The following PTPRT variants were observed in gnomAD, a reference collection of about 807,000 sequenced individuals.
The protein encoded by PTPRT is receptor-type tyrosine-protein phosphatase T.
In PTPRT, 56 loss-of-function variants were observed where a neutral mutation model predicts 176.8. The ratio of observed to expected loss-of-function variants is 0.32; its 90% CI spans 0.26 to 0.40. PTPRT has a LOEUF of 0.40. Among genes scored for constraint, PTPRT ranks in the 10% least tolerant of loss-of-function variants. The pLI, the probability that PTPRT is intolerant of heterozygous loss-of-function variation, is 1.00. For missense variants in PTPRT, 1,540 were observed against 1,908.2 expected, an observed-to-expected ratio of 0.81 and a Z score of 3.60; for synonymous variants, 783 against 739.0, an observed-to-expected ratio of 1.06 and a Z score of -0.96.
At chr20:42,131,711 C>T (rs1336128796) in intron 18 of PTPRT, among the ~76,000 whole-genome samples, 2 of 152,156 alleles carry the variant, frequency 1.3e-5, no homozygotes, top group African/African-American at 2.4e-5. Context: ...AAATGTGATA[C>T]TCATGTTTAA....
At chr20:42,871,200 C>T (rs1328453678) in intron 2 of PTPRT, among the ~76,000 whole-genome samples, 1 of 151,892 alleles carries the variant, frequency 6.6e-6, no homozygotes, top group Non-Finnish European at 1.5e-5. Context: ...GATCTGCCCA[C>T]CTCGGCCTCC....
intron 23 of PTPRT, among the ~76,000 whole-genome samples, chr20:42,109,305 A>ATATT (rs1986808583): frequency 6.6e-6 from 1 of 152,192 alleles, no homozygotes; most frequent in African/African-American, 2.4e-5. Flanking sequence ...CCCCAAGGTC[A>ATATT]TATTGGAAGA....
At chr20:43,125,060 A>G (rs1301180085) in intron 1 of PTPRT, among the ~76,000 whole-genome samples, 1 of 152,042 alleles carries the variant, frequency 6.6e-6, no homozygotes, top group Non-Finnish European at 1.5e-5. Context: ...CAATGGCACA[A>G]TCTCAGCTCA....
the PTPRT span, among the ~76,000 whole-genome samples, chr20:42,064,557 A>G: frequency 2.0e-4 from 31 of 152,190 alleles, no homozygotes; most frequent in Non-Finnish European, 4.0e-4. Flanking sequence ...ATACTATACT[A>G]ATGAATGAAT....
intron 7 of PTPRT, among the ~76,000 whole-genome samples, chr20:42,651,853 C>A (rs1241603243): frequency 6.6e-6 from 1 of 152,000 alleles, no homozygotes; most frequent in Non-Finnish European, 1.5e-5. Flanking sequence ...TCAAGATCAG[C>A]CTGGCCAAAA....
chr20:42,899,990 A>G (rs1421870608), intron 1 of PTPRT, among the ~76,000 whole-genome samples: 1 of 152,226 alleles, frequency 6.6e-6, no homozygotes, highest in East Asian at 1.9e-4. Context: ...TCAATCCTCA[A>G]AAGAGCCCCA....
At chr20:42,243,197 G>C (rs78189211) in intron 14 of PTPRT, among the ~76,000 whole-genome samples, 2,155 of 152,242 alleles carry the variant, frequency 0.014, 59 homozygotes, top group African/African-American at 0.05. Flanking sequence ...AGGAGGTAGT[G>C]CCTGTGAATG....
chr20:42,424,683 C>T lies in PTPRT; in HGVS notation c.1560+23537G>A, dbSNP rs558605428. On this transcript the variant is annotated intron_variant, in intron 9 of 30. Transcript: ENST00000373187. ...CACACCAAGTGCAGTGAAATTACAGCAAATTGCAGTGCTCCTGGGCACTGT... is the reference window on the plus strand; with the variant it reads ...CACACCAAGTGCAGTGAAATTACAGTAAATTGCAGTGCTCCTGGGCACTGT... Among the ~76,000 whole-genome samples, 3 of 152,144 alleles carry T rather than the reference C, an allele frequency of 2.0e-5. No homozygotes were observed. In the South Asian group the frequency reaches 6.2e-4, roughly 32 times the overall value.
intron 1 of PTPRT, among the ~76,000 whole-genome samples, chr20:42,948,429 C>T (rs190010450): frequency 5.6e-4 from 86 of 152,324 alleles, no homozygotes; most frequent in African/African-American, 2.1e-3. Flanking sequence ...GCCTCACCTG[C>T]CCCTGGCCTG....
intron 7 of PTPRT, among the ~76,000 whole-genome samples, chr20:42,604,595 G>A (rs1036163285): frequency 2.0e-5 from 3 of 152,098 alleles, no homozygotes; most frequent in African/African-American, 4.8e-5. Flanking sequence ...ATGCTAGGAA[G>A]AGGTTCTCTC....
intron 1 of PTPRT, among the ~76,000 whole-genome samples, chr20:43,135,475 T>TGATGAGACCATC (rs2013801642): frequency 6.6e-6 from 1 of 152,188 alleles, no homozygotes; most frequent in South Asian, 2.1e-4. Flanking sequence ...TGAGTCAAAA[T>TGATGAGACCATC]ATTCACATTG....
chr20:42,562,398 T>A (rs1326975097), intron 7 of PTPRT, among the ~76,000 whole-genome samples: 1 of 152,184 alleles, frequency 6.6e-6, no homozygotes, highest in Non-Finnish European at 1.5e-5. Context: ...AACATATAAG[T>A]TTTGAGGTTA....
intron 14 of PTPRT, among the ~76,000 whole-genome samples, chr20:42,248,095 T>G (rs2146911618): frequency 6.6e-6 from 1 of 152,184 alleles, no homozygotes; most frequent in East Asian, 1.9e-4. Flanking sequence ...CAGGGAGACA[T>G]GCTTTTGAGA....
intron 7 of PTPRT, among the ~76,000 whole-genome samples, chr20:42,574,787 T>G (rs2073226286): frequency 6.6e-6 from 1 of 152,118 alleles, no homozygotes; most frequent in East Asian, 1.9e-4. Flanking sequence ...TGTTGGAAGG[T>G]GATTGCATAA....
At chr20:42,846,431 C>T (rs1046882479) in intron 2 of PTPRT, among the ~76,000 whole-genome samples, 1 of 152,226 alleles carries the variant, frequency 6.6e-6, no homozygotes, top group Non-Finnish European at 1.5e-5. Context: ...AGGACTGAGA[C>T]TGGCCCCATC....
chr20:42,099,219 CT>C (rs10690128), intron 26 of PTPRT, among the ~76,000 whole-genome samples: 251 of 151,424 alleles, frequency 1.7e-3, no homozygotes, highest in Admixed American at 3.3e-3. Flanking sequence ...TTGTAGAGTG[CT>C]TTTTTTTTGG....
Position 42,141,898 on chromosome 20 carries a change from C to A in PTPRT, c.2770+17G>T, listed in dbSNP as rs199886520. On this transcript the variant is annotated intron_variant, in intron 18 of 30. Coordinates refer to ENST00000373187, the MANE Select transcript of PTPRT (RefSeq NM_007050.6). ...CCTCAACACCTGAAGCTTAGGAGCT[C>A]CCAGAAGGGCACCTACAGGATATGA... is the stretch of plus-strand genomic sequence containing the variant. 1 of 1,608,512 alleles carries A rather than the reference C, an allele frequency of 6.2e-7. No homozygotes were observed. The highest frequency in any genetic ancestry group is 1.7e-5 in the Admixed American group (1 of 60,004).
chr20:43,047,686 A>AATG (rs3092428), intron 1 of PTPRT, among the ~76,000 whole-genome samples: 63 of 151,822 alleles, frequency 4.1e-4, no homozygotes, highest in Non-Finnish European at 6.5e-4. Flanking sequence ...TAATCATACT[A>AATG]ATGATGATGA....
At chr20:43,113,957 C>A (rs1340924210) in intron 1 of PTPRT, among the ~76,000 whole-genome samples, 1 of 152,158 alleles carries the variant, frequency 6.6e-6, no homozygotes, top group Non-Finnish European at 1.5e-5. Flanking sequence ...TTATGATATG[C>A]ATTTCTGCAG....
Sources: gnomAD v4.1 joint callset for allele counts (sites outside exome capture counted in the v4.1 genomes callset) on GRCh38, gnomAD v4.1.1 for gene constraint, MANE v1.5 for transcripts, NCBI Gene and HGNC (gene_info 2026-07-23, HGNC 2026-07-21) for gene names.